Variants in CASR observed in about 807,000 individuals in gnomAD.
The protein encoded by CASR is extracellular calcium-sensing receptor.
Under a neutral mutation model 69.1 loss-of-function variants are expected in CASR, and 23 were observed. That is an observed-to-expected ratio of 0.33 (90% CI 0.24 to 0.47). CASR has a LOEUF of 0.47. Ranked by LOEUF, CASR falls within the 20% of genes least tolerant of loss-of-function variation. The probability of loss-of-function intolerance (pLI) is 1.00; values close to 1 mark genes in which losing one functional copy is unlikely to be tolerated. For missense variants in CASR, 924 were observed against 1,356.1 expected, an observed-to-expected ratio of 0.68 and a Z score of 5.00; for synonymous variants, 541 against 544.7, an observed-to-expected ratio of 0.99 and a Z score of 0.10.
intron 1 of CASR, among the ~76,000 whole-genome samples, chr3:122,212,404 G>A (rs1294738544): frequency 1.3e-5 from 2 of 152,114 alleles, no homozygotes; most frequent in African/African-American, 4.8e-5. Flanking sequence ...ACTGGGGCCT[G>A]TGGAAGTTGG....
intron 4 of CASR, among the ~76,000 whole-genome samples, chr3:122,272,091 G>GTACA (rs55688288): frequency 0.027 from 4,042 of 148,878 alleles, 82 homozygotes; most frequent in South Asian, 0.029. Context: ...TCCTAGGAAT[G>GTACA]CACACACACA....
At position 122,202,463 on chromosome 3, in the gene CASR, AGGGAGAGGGAGACCGTG is replaced by A. The variant is rs1339116727; in HGVS notation, c.-243+18664_-243+18680del. On this transcript the variant is annotated intron_variant, in intron 1 of 6. Transcript: ENST00000639785. ...AGAGGGAGAGGGAGACCATGGGGAG[AGGGAGAGGGAGACCGTG>A]GGGAGAGGGAGAGGGAGAGGGAGAG... Among the ~76,000 whole-genome samples, 176 of 149,620 alleles carry A rather than the reference AGGGAGAGGGAGACCGTG, an allele frequency of 1.2e-3. 1 individual carries two copies. The highest frequency in any genetic ancestry group is 4.1e-3 in the East Asian group (21 of 5,122).
intron 1 of CASR, among the ~76,000 whole-genome samples, chr3:122,222,476 G>A (rs987846154): frequency 1.1e-4 from 17 of 151,864 alleles, no homozygotes; most frequent in African/African-American, 4.1e-4. Flanking sequence ...CAATCTAAAA[G>A]GTCAATAATA....
chr3:122,260,448 C>A (rs567523314), intron 3 of CASR, among the ~76,000 whole-genome samples: 7 of 152,292 alleles, frequency 4.6e-5, no homozygotes, highest in African/African-American at 1.7e-4. Flanking sequence ...TCCTGTTCAG[C>A]CTCTTAAGAT....
At chr3:122,214,353 A>G (rs1184103092) in intron 1 of CASR, among the ~76,000 whole-genome samples, 1 of 152,142 alleles carries the variant, frequency 6.6e-6, no homozygotes, top group Non-Finnish European at 1.5e-5. Flanking sequence ...GGGGGGCAGT[A>G]TAGACAAACA....
chr3:122,236,152 A>G (rs112322513), intron 1 of CASR, among the ~76,000 whole-genome samples: 10 of 152,372 alleles, frequency 6.6e-5, no homozygotes, highest in South Asian at 4.1e-4. Flanking sequence ...AAAGAAATCA[A>G]TTGAATGGGT....
Position 122,241,141 on chromosome 3 carries a change from A to G in CASR, c.-242-12807A>G, listed in dbSNP as rs558916559. ...TTAAAGAACTAGAAAAGCAAGAGCA[A>G]ACCAAACTCAAAATTAGTAGAAGAA... is the stretch of plus-strand genomic sequence containing the variant. On this transcript the variant is annotated intron_variant, in intron 1 of 6. Coordinates refer to ENST00000639785, the MANE Select transcript of CASR (RefSeq NM_000388.4). 5.9e-5 allele frequency among the ~76,000 whole-genome samples: 9 copies of G among 152,280 alleles called. No individual in the cohort carries two copies. The East Asian group carries it at 1.7e-3, about 29-fold the overall frequency.
At chr3:122,224,712 CA>C (rs1321589780) in intron 1 of CASR, among the ~76,000 whole-genome samples, 2 of 152,018 alleles carry the variant, frequency 1.3e-5, no homozygotes, top group East Asian at 3.8e-4. Flanking sequence ...CACGTAGAAC[CA>C]AAAAAGACCC....
intron 1 of CASR, among the ~76,000 whole-genome samples, chr3:122,219,658 C>A (rs1270909270): frequency 1.3e-5 from 2 of 152,192 alleles, no homozygotes; most frequent in Non-Finnish European, 2.9e-5. Context: ...TGGGTCAACA[C>A]TGGAGGTTAA....
At chr3:122,267,462 T>A (rs1190760928) in intron 4 of CASR, among the ~76,000 whole-genome samples, 1 of 151,968 alleles carries the variant, frequency 6.6e-6, no homozygotes. Flanking sequence ...TCTTGAAGGG[T>A]AGATAAAATT....
intron 1 of CASR, among the ~76,000 whole-genome samples, chr3:122,185,034 T>G (rs1265234018): frequency 6.6e-6 from 1 of 151,988 alleles, no homozygotes; most frequent in Non-Finnish European, 1.5e-5. Flanking sequence ...CAAATTAGAT[T>G]GTCAGTTCCC....
chr3:122,206,165 T>A (rs1337372669), intron 1 of CASR, among the ~76,000 whole-genome samples: 1 of 151,998 alleles, frequency 6.6e-6, no homozygotes, highest in East Asian at 1.9e-4. Context: ...TAAAGGAAAG[T>A]CCTTTAATTT....
At chr3:122,190,402 T>C (rs2073827829) in intron 1 of CASR, among the ~76,000 whole-genome samples, 1 of 152,210 alleles carries the variant, frequency 6.6e-6, no homozygotes, top group South Asian at 2.1e-4. Context: ...TGAGAGGCAG[T>C]ACACTGCAGT....
At chr3:122,283,609 T>C (rs1459357280) in intron 6 of CASR, 78 bp from the exon 7 acceptor site, 1 of 1,172,680 alleles carries the variant, frequency 8.5e-7, no homozygotes, top group East Asian at 2.3e-5. Flanking sequence ...AAACTATGTA[T>C]TCCCACCACC....
At chr3:122,250,007 C>T (rs2074466637) in intron 1 of CASR, among the ~76,000 whole-genome samples, 1 of 152,134 alleles carries the variant, frequency 6.6e-6, no homozygotes, top group African/African-American at 2.4e-5. Flanking sequence ...TCATATCCAC[C>T]TCCGTGCAGC....
chr3:122,186,334 G>GA (rs1262082496), intron 1 of CASR, among the ~76,000 whole-genome samples: 1 of 152,212 alleles, frequency 6.6e-6, no homozygotes, highest in African/African-American at 2.4e-5. Context: ...GTGGGGAGGA[G>GA]AGGGTGAGAA....
At chr3:122,185,084 G>GA (rs374409513) in intron 1 of CASR, among the ~76,000 whole-genome samples, 85 of 147,112 alleles carry the variant, frequency 5.8e-4, no homozygotes, top group Non-Finnish European at 3.3e-4. Context: ...TTCCTGGGGA[G>GA]AAAAAAAAAA....
At chr3:122,235,459 G>A (rs2074320275) in intron 1 of CASR, among the ~76,000 whole-genome samples, 1 of 152,206 alleles carries the variant, frequency 6.6e-6, no homozygotes, top group South Asian at 2.1e-4. Context: ...TTCATAAGAT[G>A]TTAGCAGTTA....
chr3:122,235,671 C>T (rs1441584225), intron 1 of CASR, among the ~76,000 whole-genome samples: 1 of 152,082 alleles, frequency 6.6e-6, no homozygotes. Flanking sequence ...GTGGCATGTT[C>T]CTATAGTTTT....
Sources: allele counts gnomAD v4.1 joint callset (sites outside exome capture counted in the v4.1 genomes callset), GRCh38; gene constraint gnomAD v4.1.1; transcripts MANE v1.5; gene names NCBI Gene and HGNC (gene_info 2026-07-23, HGNC 2026-07-21).